Variants in RNF212B observed in about 807,000 individuals in gnomAD.
RNF212B encodes E3 ubiquitin-protein ligase RNF212B.
A neutral mutation model predicts 55.5 loss-of-function variants in RNF212B; 52 were observed. The observed-to-expected ratio is 0.94, with a 90% CI of 0.75 to 1.18. RNF212B has a LOEUF of 1.18. Among genes scored for constraint, RNF212B ranks in the 50% most tolerant of loss-of-function variants. The pLI, the probability that RNF212B is intolerant of heterozygous loss-of-function variation, is 0.00. For missense variants in RNF212B, 289 were observed against 350.4 expected, an observed-to-expected ratio of 0.82 and a Z score of 1.40; for synonymous variants, 99 against 121.4, an observed-to-expected ratio of 0.82 and a Z score of 1.21.
intron 2 of RNF212B, among the ~76,000 whole-genome samples, chr14:23,213,901 C>T (rs74036953): frequency 0.085 from 13,008 of 152,186 alleles, 1,432 homozygotes; most frequent in African/African-American, 0.26. Flanking sequence ...CAACAGTCAA[C>T]AGGCACTAAC....
intron 4 of RNF212B, among the ~76,000 whole-genome samples, chr14:23,246,108 A>G (rs1232335835): frequency 2.0e-5 from 3 of 150,626 alleles, no homozygotes; most frequent in African/African-American, 7.3e-5. Context: ...CCTCATATAG[A>G]TCTGTAAGTC....
chr14:23,241,914 C>T (rs1883599593), intron 2 of RNF212B, among the ~76,000 whole-genome samples: 1 of 150,724 alleles, frequency 6.6e-6, no homozygotes, highest in African/African-American at 2.4e-5. Flanking sequence ...AACCCCATCT[C>T]TACTAAAACT....
rs572235010 is a variant in RNF212B at position 23,269,326 on chromosome 14, C to A, written c.674+363C>A. On this transcript the variant is annotated intron_variant, in intron 12 of 14. Coordinates refer to ENST00000430154, the MANE Select transcript of RNF212B (RefSeq NM_001282322.3). Reference sequence around the variant, plus strand: ...TCAAAAAACAAACAAAAAAACAAAACTCTGCCAGCAGTCCTGGGATTACTT... The same window carrying A: ...TCAAAAAACAAACAAAAAAACAAAAATCTGCCAGCAGTCCTGGGATTACTT... Among the ~76,000 whole-genome samples the A allele has an allele frequency of 9.2e-5, 14 of 152,092 alleles. No individual in the cohort carries two copies. In the East Asian group the frequency reaches 1.7e-3, roughly 19 times the overall value.
chr14:23,231,091 C>T (rs997416001), intron 2 of RNF212B, among the ~76,000 whole-genome samples: 2 of 152,042 alleles, frequency 1.3e-5, no homozygotes, highest in Non-Finnish European at 2.9e-5. Context: ...ATTGTTTTGA[C>T]TATTCTAAGT....
intron 2 of RNF212B, among the ~76,000 whole-genome samples, chr14:23,218,225 G>A (rs111734570): frequency 0.021 from 3,125 of 151,634 alleles, 111 homozygotes; most frequent in African/African-American, 0.072. Context: ...AAAATTAGCC[G>A]GGCGTGGTGG....
chr14:23,229,707 T>C (rs561548666), intron 2 of RNF212B, among the ~76,000 whole-genome samples: 1 of 152,336 alleles, frequency 6.6e-6, no homozygotes, highest in African/African-American at 2.4e-5. Context: ...TCTATTCAAA[T>C]CTTTTGCCTA....
At chr14:23,264,367 T>C (rs1178386953) in intron 10 of RNF212B, 133 bp downstream of exon 10, 2 of 789,488 alleles carry the variant, frequency 2.5e-6, no homozygotes, top group Non-Finnish European at 4.0e-6. Flanking sequence ...CTATTTTCTT[T>C]TGGCAATGGA....
intron 2 of RNF212B, among the ~76,000 whole-genome samples, chr14:23,219,099 T>C (rs1236553652): frequency 1.3e-5 from 2 of 152,192 alleles, no homozygotes; most frequent in Non-Finnish European, 2.9e-5. Context: ...TGAAATATCC[T>C]TCAAACATGA....
intron 2 of RNF212B, among the ~76,000 whole-genome samples, chr14:23,213,140 G>A (rs6573045): frequency 0.085 from 12,943 of 151,634 alleles, 1,431 homozygotes; most frequent in African/African-American, 0.26. Flanking sequence ...GTGAAACCCC[G>A]TCTCTACTAA....
intron 2 of RNF212B, among the ~76,000 whole-genome samples, chr14:23,213,434 A>G (rs745852342): frequency 1.4e-4 from 22 of 152,216 alleles, no homozygotes; most frequent in Non-Finnish European, 2.4e-4. Context: ...ATTTTTCCCA[A>G]TTTGATCTAT....
chr14:23,231,350 C>T (rs76619918), intron 2 of RNF212B, among the ~76,000 whole-genome samples: 13,004 of 152,108 alleles, frequency 0.085, 768 homozygotes, highest in African/African-American at 0.17. Context: ...TTGACAAAGG[C>T]AATTTAGTTG....
At chr14:23,186,387 G>C (rs1877597400) in intron 1 of RNF212B, among the ~76,000 whole-genome samples, 1 of 149,878 alleles carries the variant, frequency 6.7e-6, no homozygotes, top group Non-Finnish European at 1.5e-5. Flanking sequence ...CTGCTGCTCT[G>C]GCCGGACTGC....
At chr14:23,203,874 G>A (rs74681162) in intron 2 of RNF212B, among the ~76,000 whole-genome samples, 1,593 of 152,226 alleles carry the variant, frequency 0.01, 21 homozygotes, top group African/African-American at 0.036. Context: ...TCTGATCACC[G>A]TATCCATGCC....
upstream of RNF212B, among the ~76,000 whole-genome samples, chr14:23,233,698 T>C (rs927053524): frequency 7.2e-6 from 1 of 138,148 alleles, no homozygotes; most frequent in Non-Finnish European, 1.5e-5. Flanking sequence ...GCCATAATCA[T>C]GACACTGCAC....
chr14:23,251,018 T>C (rs1161689400), intron 4 of RNF212B, among the ~76,000 whole-genome samples: 1 of 152,194 alleles, frequency 6.6e-6, no homozygotes, highest in Non-Finnish European at 1.5e-5. Context: ...GCTTGGCTTT[T>C]CCCTTTAGCT....
intron 1 of RNF212B, among the ~76,000 whole-genome samples, 194 bp downstream of exon 1, chr14:23,238,249 C>T (rs935858981): frequency 2.8e-5 from 4 of 144,070 alleles, no homozygotes; most frequent in African/African-American, 8.8e-5. Context: ...GCATATAGAA[C>T]GGGGCCTTTT....
intron 2 of RNF212B, among the ~76,000 whole-genome samples, chr14:23,202,023 G>C (rs928607265): frequency 2.0e-5 from 3 of 152,090 alleles, no homozygotes; most frequent in Non-Finnish European, 2.9e-5. Context: ...GGCCGAGGTG[G>C]GTGGACTGCT....
rs545368724 is a variant in RNF212B, at chr14:23,231,910, G to A, written c.-1-8435G>A. ...GCCAGCCTCGGCCTCCCGAGGTGCCGGGATTGCAGACGGAGTCTCGTTCAC... is the reference window on the plus strand; with the variant it reads ...GCCAGCCTCGGCCTCCCGAGGTGCCAGGATTGCAGACGGAGTCTCGTTCAC... On this transcript the variant is annotated intron_variant, in intron 2 of 15. Coordinates refer to the RNF212B transcript ENST00000399910. Among the ~76,000 whole-genome samples the A allele has an allele frequency of 2.4e-4, 36 of 152,142 alleles. 1 individual carries two copies. The East Asian group carries it at 6.8e-3, about 29-fold the overall frequency.
At chr14:23,189,540 C>T (rs1041354621) in intron 1 of RNF212B, among the ~76,000 whole-genome samples, 3 of 152,188 alleles carry the variant, frequency 2.0e-5, no homozygotes, top group South Asian at 2.1e-4. Context: ...GGGTGGCTCA[C>T]GTCTATAATC....
Sources: gnomAD v4.1 joint callset for allele counts (sites outside exome capture counted in the v4.1 genomes callset) on GRCh38, gnomAD v4.1.1 for gene constraint, MANE v1.5 for transcripts, NCBI Gene and HGNC (gene_info 2026-07-23, HGNC 2026-07-21) for gene names.